RBPJ: variants seen among roughly 807,000 people sequenced by gnomAD.
The protein encoded by RBPJ is recombining binding protein suppressor of hairless.
In RBPJ, 9 loss-of-function variants were observed where a neutral mutation model predicts 67.8. The observed-to-expected ratio is 0.13, with a 90% CI of 0.08 to 0.23. The LOEUF is 0.23. RBPJ is among the 10% of genes least tolerant of loss of function. The pLI is 1.00. For missense variants in RBPJ, 305 were observed against 595.6 expected, an observed-to-expected ratio of 0.51 and a Z score of 5.08; for synonymous variants, 198 against 203.3, an observed-to-expected ratio of 0.97 and a Z score of 0.22.
upstream of RBPJ, among the ~76,000 whole-genome samples, chr4:26,162,842 C>A (rs1482158772): frequency 2.6e-5 from 4 of 152,186 alleles, no homozygotes; most frequent in African/African-American, 9.7e-5. Context: ...ATGAAGTATG[C>A]TATCAGGCTC....
chr4:26,274,609 G>A (rs1419158765), intron 1 of RBPJ, among the ~76,000 whole-genome samples: 1 of 152,156 alleles, frequency 6.6e-6, no homozygotes, highest in East Asian at 1.9e-4. Flanking sequence ...CAGCCTGGGT[G>A]ATAGAGCGAG....
chr4:26,253,970 G>A (rs1321644444), intron 1 of RBPJ, among the ~76,000 whole-genome samples: 1 of 148,886 alleles, frequency 6.7e-6, no homozygotes, highest in Non-Finnish European at 1.5e-5. Context: ...CATGTTTAAA[G>A]GTTTTGGAGT....
chr4:26,390,080 G>A (rs187832720), intron 2 of RBPJ, among the ~76,000 whole-genome samples: 136 of 152,284 alleles, frequency 8.9e-4, no homozygotes, highest in Non-Finnish European at 1.2e-3. Flanking sequence ...ATATTGAGGG[G>A]ATGATACATC....
intron 1 of RBPJ, among the ~76,000 whole-genome samples, chr4:26,326,260 A>G (rs1723619338): frequency 1.3e-5 from 2 of 152,048 alleles, no homozygotes; most frequent in South Asian, 2.1e-4. Context: ...AGGAATTGAT[A>G]TTTTCAGCCA....
chr4:26,363,390 G>A (rs888121142), intron 1 of RBPJ, among the ~76,000 whole-genome samples: 1 of 151,364 alleles, frequency 6.6e-6, no homozygotes, highest in African/African-American at 2.4e-5. Context: ...CACCTGCTTC[G>A]GCCTCCGAAA....
At chr4:26,174,219 C>G (rs1304796690) in intron 1 of RBPJ, among the ~76,000 whole-genome samples, 1 of 152,180 alleles carries the variant, frequency 6.6e-6, no homozygotes, top group Non-Finnish European at 1.5e-5. Flanking sequence ...CTGACTTCCA[C>G]TTACTAGTGA....
chr4:26,353,542 C>G (rs1357046264), intron 1 of RBPJ, among the ~76,000 whole-genome samples: 2 of 151,734 alleles, frequency 1.3e-5, no homozygotes, highest in South Asian at 4.2e-4. Context: ...AAATATTAGA[C>G]AACCTTTTTA....
intron 1 of RBPJ, among the ~76,000 whole-genome samples, chr4:26,199,590 G>C (rs1560207534): frequency 6.6e-6 from 1 of 152,170 alleles, no homozygotes; most frequent in Non-Finnish European, 1.5e-5. Flanking sequence ...GGGGAGGGGA[G>C]AGGAAGAAAA....
intron 1 of RBPJ, among the ~76,000 whole-genome samples, chr4:26,232,713 G>C (rs1464574566): frequency 6.6e-6 from 1 of 152,152 alleles, no homozygotes; most frequent in Admixed American, 6.5e-5. Context: ...CATTATTAGA[G>C]AAAGATTTCA....
the RBPJ span, among the ~76,000 whole-genome samples, chr4:26,138,565 C>T: frequency 6.6e-6 from 1 of 152,154 alleles, no homozygotes; most frequent in South Asian, 2.1e-4. Flanking sequence ...CAAGAGTTGG[C>T]TGGGAGTGGT....
the RBPJ span, among the ~76,000 whole-genome samples, chr4:26,117,370 A>G: frequency 6.6e-6 from 1 of 152,074 alleles, no homozygotes; most frequent in African/African-American, 2.4e-5. Flanking sequence ...CCAAGTTCTA[A>G]CAATCTCCCT....
In RBPJ at chr4:26,252,413, T is replaced by C. The variant is rs115240791; in HGVS notation, c.-167+88799T>C. Among the ~76,000 whole-genome samples, 725 of 152,162 alleles carry C rather than the reference T, an allele frequency of 4.8e-3. 4 individuals are homozygous for C. Among genetic ancestry groups the C allele is most frequent in the African/African-American group, 0.017 (697 of 41,516 alleles). On this transcript the variant is annotated intron_variant, in intron 1 of 4. Coordinates refer to the RBPJ transcript ENST00000512351. The stretch of plus-strand genomic sequence containing the variant: ...GAGTTCGAGACCAGTTTGGGCAACA[T>C]GGCAAAACCATGTCTCTACAAAAAT...
chr4:26,160,310 T>C (rs764584432), upstream of RBPJ, among the ~76,000 whole-genome samples: 1 of 152,204 alleles, frequency 6.6e-6, no homozygotes, highest in African/African-American at 2.4e-5. Flanking sequence ...TGAACACAGA[T>C]ACAAGGGAAT....
At position 26,432,167 on chromosome 4, in the gene RBPJ, G is replaced by C. The variant is rs1736295469; in HGVS notation, c.*1160G>C. The stretch of plus-strand genomic sequence containing the variant: ...ATATGGGAAGTATTTGCTACCAGTT[G>C]GTAGATGGTGCCCTTAATGGTAGAA... On this transcript the variant is annotated 3_prime_UTR_variant, in exon 11 of 11. Coordinates refer to ENST00000355476, the MANE Select transcript of RBPJ (RefSeq NM_015874.6). 1 of 152,182 alleles carries C rather than the reference G, an allele frequency of 6.6e-6. No individual in the cohort carries two copies. The allele number at this position is 152,182 out of a possible 1,614,324, so 9.4% of individuals were successfully genotyped here. A position where few individuals can be genotyped will look rare whatever the true frequency, so the allele number is the denominator to read the frequency against.
chr4:26,360,462 T>G (rs1727918367), intron 1 of RBPJ, among the ~76,000 whole-genome samples: 1 of 152,194 alleles, frequency 6.6e-6, no homozygotes. Context: ...GTTGCGGGCT[T>G]TGGTGGTAAA....
At chr4:26,311,613 C>A (rs1377832084) in intron 1 of RBPJ, among the ~76,000 whole-genome samples, 1 of 152,094 alleles carries the variant, frequency 6.6e-6, no homozygotes, top group Non-Finnish European at 1.5e-5. Flanking sequence ...GAGCCACTAG[C>A]TGCTTCACAT....
At chr4:26,253,876 G>A (rs1275104473) in intron 1 of RBPJ, among the ~76,000 whole-genome samples, 1 of 148,796 alleles carries the variant, frequency 6.7e-6, no homozygotes, top group Admixed American at 6.6e-5. Context: ...AATGAGGGTG[G>A]AGATTTCACT....
chr4:26,177,960 C>A (rs899928555), intron 1 of RBPJ, among the ~76,000 whole-genome samples: 1 of 152,220 alleles, frequency 6.6e-6, no homozygotes, highest in African/African-American at 2.4e-5. Flanking sequence ...ACACTTCCCT[C>A]ACATCATTAA....
At chr4:26,318,940 T>A (rs139985251), upstream of RBPJ, among the ~76,000 whole-genome samples, 72 of 134,802 alleles carry the variant, frequency 5.3e-4, 1 homozygote, top group East Asian at 0.015. Context: ...GAGCTTGCAG[T>A]GAGCCGAGAT....
Sources: gnomAD v4.1 joint callset for allele counts (sites outside exome capture counted in the v4.1 genomes callset) on GRCh38, gnomAD v4.1.1 for gene constraint, MANE v1.5 for transcripts, NCBI Gene and HGNC (gene_info 2026-07-23, HGNC 2026-07-21) for gene names.